Variants in PPP1R12A observed in about 807,000 individuals in gnomAD.
PPP1R12A encodes the protein myosin binding subunit.
PPP1R12A carries 19 observed loss-of-function variants against 139.6 expected under a neutral mutation model. The observed-to-expected ratio is 0.14, with a 90% confidence interval of 0.09 to 0.20. The LOEUF (loss-of-function observed/expected upper bound fraction) is 0.20. Among genes scored for constraint, PPP1R12A ranks in the 10% least tolerant of loss-of-function variants. The probability of loss-of-function intolerance (pLI) is 1.00; values close to 1 mark genes in which losing one functional copy is unlikely to be tolerated. For synonymous variants in PPP1R12A, 427 were observed against 420.6 expected, an observed-to-expected ratio of 1.02 and a Z score of -0.19; for missense variants, 925 against 1,211.5, an observed-to-expected ratio of 0.76 and a Z score of 3.51.
chr12:79,921,212 G>C (rs1887411707), intron 1 of PPP1R12A, among the ~76,000 whole-genome samples: 1 of 151,888 alleles, frequency 6.6e-6, no homozygotes, highest in African/African-American at 2.4e-5. Context: ...ATGCAAGTGA[G>C]GAGAAAACAG....
intron 1 of PPP1R12A, among the ~76,000 whole-genome samples, chr12:79,874,209 C>T (rs758763833): frequency 8.0e-5 from 12 of 150,596 alleles, no homozygotes; most frequent in African/African-American, 2.0e-4. Flanking sequence ...AGGAGGCAGA[C>T]GTTGCAGTGA....
In PPP1R12A at chr12:79,906,601, T is replaced by TTATG. The variant is rs566176366; in HGVS notation, c.237+28090_237+28093dup. The stretch of plus-strand genomic sequence containing the variant: ...ACAAAGTGCTGGTTTATTTATTCAT[T>TTATG]TATGTATGTATGTATGTATGTATTT... On this transcript the variant is annotated intron_variant, in intron 1 of 24. Coordinates refer to ENST00000450142, the MANE Select transcript of PPP1R12A (RefSeq NM_002480.3). Among the ~76,000 whole-genome samples, 922 of 151,950 alleles carry TTATG rather than the reference T, an allele frequency of 6.1e-3. 7 individuals are homozygous for TTATG. The highest frequency in any genetic ancestry group is 0.018 in the African/African-American group (755 of 41,370).
intron 1 of PPP1R12A, among the ~76,000 whole-genome samples, chr12:79,915,781 T>C (rs1448852652): frequency 1.3e-5 from 2 of 152,136 alleles, no homozygotes; most frequent in Admixed American, 6.5e-5. Context: ...ATGTTAGTCT[T>C]CCCTTTGGGT....
chr12:79,859,847 C>T (rs938380051), intron 2 of PPP1R12A, among the ~76,000 whole-genome samples: 1 of 152,054 alleles, frequency 6.6e-6, no homozygotes, highest in Non-Finnish European at 1.5e-5. Context: ...CCAGGAAGTC[C>T]AGGCTGCGGT....
At chr12:79,813,569 G>A (rs1307532208) in intron 9 of PPP1R12A, among the ~76,000 whole-genome samples, 2 of 152,054 alleles carry the variant, frequency 1.3e-5, no homozygotes, top group Non-Finnish European at 2.9e-5. Context: ...ACATTTTATT[G>A]GAATGTACAC....
intron 2 of PPP1R12A, among the ~76,000 whole-genome samples, chr12:79,858,180 A>T (rs1385417152): frequency 3.3e-5 from 5 of 152,206 alleles, no homozygotes; most frequent in African/African-American, 1.2e-4. Flanking sequence ...TATGAATGAA[A>T]ATATGACAAA....
intron 12 of PPP1R12A, 188 bp downstream of exon 12, chr12:79,807,038 G>T: frequency 2.4e-6 from 1 of 412,328 alleles, no homozygotes; most frequent in South Asian, 3.8e-5. Flanking sequence ...TTATATAATA[G>T]GCATAACAAA....
chr12:79,898,077 T>C (rs1885291220), intron 1 of PPP1R12A, among the ~76,000 whole-genome samples: 1 of 152,340 alleles, frequency 6.6e-6, no homozygotes, highest in South Asian at 2.1e-4. Flanking sequence ...ATTCTATTTA[T>C]CACCTCAAAT....
chr12:79,863,606 T>C (rs982223279), intron 2 of PPP1R12A, among the ~76,000 whole-genome samples: 4 of 94,262 alleles, frequency 4.2e-5, no homozygotes, highest in Non-Finnish European at 7.8e-5. Flanking sequence ...AGGCTCAAAA[T>C]AGAGGGATGG....
chr12:79,791,478 C>T (rs141618257), intron 19 of PPP1R12A, among the ~76,000 whole-genome samples: 1 of 152,214 alleles, frequency 6.6e-6, no homozygotes, highest in African/African-American at 2.4e-5. Context: ...AGGCATGCAC[C>T]ATCACATCCG....
intron 13 of PPP1R12A, 140 bp from the exon 14 acceptor site, chr12:79,805,908 A>G: frequency 9.8e-7 from 1 of 1,019,356 alleles, no homozygotes; most frequent in Non-Finnish European, 1.4e-6. Context: ...TAAATTATGA[A>G]CCAAAAAGCT....
In PPP1R12A at chr12:79,775,717, TAAAAA is replaced by T; in HGVS notation, c.*207_*211del. ...ATTAACATGAAACAATGGTCTTGAT[TAAAAA>T]AAAAAAACAAAAAACAAACCAACAA... On this transcript the variant is annotated 3_prime_UTR_variant, in exon 25 of 25. Coordinates refer to ENST00000450142, the MANE Select transcript of PPP1R12A (RefSeq NM_002480.3). 2 of 253,648 alleles carry T rather than the reference TAAAAA, an allele frequency of 7.9e-6. No individual in the cohort carries two copies. Among genetic ancestry groups the T allele is most frequent in the Non-Finnish European group, 7.5e-6 (1 of 132,982 alleles). 15.7% of individuals were successfully genotyped at this position (253,648 alleles called of 1,614,324 possible).
intron 1 of PPP1R12A, among the ~76,000 whole-genome samples, chr12:79,933,422 G>A (rs555204481): frequency 2.2e-4 from 33 of 152,244 alleles, no homozygotes; most frequent in African/African-American, 6.7e-4. Flanking sequence ...TAATATTCAT[G>A]AAATATAAAG....
chr12:79,834,707 T>C (rs1233008053), intron 3 of PPP1R12A, among the ~76,000 whole-genome samples: 1 of 152,204 alleles, frequency 6.6e-6, no homozygotes, highest in African/African-American at 2.4e-5. Flanking sequence ...CAGTTGCATA[T>C]CTAAGCCTGT....
chr12:79,797,691 A>G (rs1872643589), intron 15 of PPP1R12A, among the ~76,000 whole-genome samples: 1 of 152,076 alleles, frequency 6.6e-6, no homozygotes, highest in African/African-American at 2.4e-5. Flanking sequence ...GTTTATATAT[A>G]TGTCTGTGTG....
chr12:79,867,839 C>G (rs1009169176), intron 2 of PPP1R12A, among the ~76,000 whole-genome samples: 2 of 152,048 alleles, frequency 1.3e-5, no homozygotes, highest in African/African-American at 2.4e-5. Context: ...GGGCTTTCCC[C>G]CCTTTGCTTG....
intron 3 of PPP1R12A, among the ~76,000 whole-genome samples, chr12:79,837,616 G>A (rs1181042161): frequency 6.6e-6 from 1 of 152,198 alleles, no homozygotes; most frequent in Non-Finnish European, 1.5e-5. Flanking sequence ...GTGGTGGGAA[G>A]GACCCAGTGG....
chr12:79,850,985 C>T (rs935710150), intron 2 of PPP1R12A, among the ~76,000 whole-genome samples: 2 of 152,170 alleles, frequency 1.3e-5, no homozygotes, highest in Non-Finnish European at 2.9e-5. Context: ...TCATAAATTA[C>T]CCTGTCTCAG....
chr12:79,872,598 C>T (rs1334221885), intron 2 of PPP1R12A, among the ~76,000 whole-genome samples: 1 of 152,004 alleles, frequency 6.6e-6, no homozygotes, highest in Non-Finnish European at 1.5e-5. Flanking sequence ...ATACGAAGTA[C>T]CAAAGGCCAA....
Sources: allele counts gnomAD v4.1 joint callset (sites outside exome capture counted in the v4.1 genomes callset), GRCh38; gene constraint gnomAD v4.1.1; transcripts MANE v1.5; gene names NCBI Gene and HGNC (gene_info 2026-07-23, HGNC 2026-07-21).